Variants in BLNK observed in about 807,000 individuals in gnomAD.
The protein encoded by BLNK is B-cell linker protein.
BLNK carries 29 observed loss-of-function variants against 73.5 expected under a neutral mutation model. The observed-to-expected ratio is 0.39, with a 90% CI of 0.29 to 0.54. BLNK has a LOEUF of 0.54. Ranked by LOEUF, BLNK falls within the 20% of genes least tolerant of loss-of-function variation. The pLI is 0.61. For missense variants in BLNK, 460 were observed against 562.8 expected (o/e 0.82, Z 1.85); for synonymous variants, 176 against 200.8 (o/e 0.88, Z 1.04).
intron 3 of BLNK, among the ~76,000 whole-genome samples, chr10:96,238,469 C>A (rs1166828632): frequency 6.6e-6 from 1 of 152,122 alleles, no homozygotes; most frequent in African/African-American, 2.4e-5. Context: ...ACGTGATTGG[C>A]CTCCCAGGCT....
chr10:96,234,854 A>C (rs1842639900), intron 3 of BLNK, among the ~76,000 whole-genome samples: 1 of 152,234 alleles, frequency 6.6e-6, no homozygotes, highest in African/African-American at 2.4e-5. Flanking sequence ...TTCAAGCTTC[A>C]TGTGGGCCAG....
chr10:96,240,506 C>T (rs1554906002), intron 3 of BLNK, among the ~76,000 whole-genome samples: 1 of 152,178 alleles, frequency 6.6e-6, no homozygotes, highest in African/African-American at 2.4e-5. Flanking sequence ...GCAATCCTCC[C>T]ATCTTGGCCT....
At chr10:96,257,842 C>T (rs1843582555) in intron 1 of BLNK, among the ~76,000 whole-genome samples, 1 of 152,202 alleles carries the variant, frequency 6.6e-6, no homozygotes, top group South Asian at 2.1e-4. Flanking sequence ...CTTTCACCAC[C>T]TTATCACATG....
intron 3 of BLNK, among the ~76,000 whole-genome samples, chr10:96,232,415 A>G (rs1363617217): frequency 6.6e-6 from 1 of 152,060 alleles, no homozygotes; most frequent in Admixed American, 6.5e-5. Flanking sequence ...TGTTTTTGCT[A>G]TTTCTACCCC....
intron 13 of BLNK, 74 bp downstream of exon 13, chr10:96,203,983 A>G: frequency 7.6e-7 from 1 of 1,316,478 alleles, no homozygotes; most frequent in Non-Finnish European, 1.1e-6. Context: ...GCTGTGTTAG[A>G]ACCCAGGCCT....
At chr10:96,252,002 T>C (rs1016748165) in intron 1 of BLNK, among the ~76,000 whole-genome samples, 3 of 152,158 alleles carry the variant, frequency 2.0e-5, no homozygotes, top group African/African-American at 4.8e-5. Context: ...GAGATTCTCA[T>C]TGGGTTGTCT....
At chr10:96,258,850 G>A (rs1554911900) in intron 1 of BLNK, among the ~76,000 whole-genome samples, 1 of 152,080 alleles carries the variant, frequency 6.6e-6, no homozygotes, top group Non-Finnish European at 1.5e-5. Flanking sequence ...TTATCCCCAT[G>A]TTTATATTAT....
At chr10:96,241,752 A>G (rs1842887066) in intron 3 of BLNK, among the ~76,000 whole-genome samples, 1 of 147,300 alleles carries the variant, frequency 6.8e-6, no homozygotes, top group African/African-American at 2.5e-5. Flanking sequence ...TTTTTTTGAG[A>G]CAGGGTCTCA....
At chr10:96,195,947 C>G (rs2083454666) in intron 16 of BLNK, among the ~76,000 whole-genome samples, 1 of 152,174 alleles carries the variant, frequency 6.6e-6, no homozygotes, top group Non-Finnish European at 1.5e-5. Context: ...TACACTGAAG[C>G]CAGTTACTGT....
chr10:96,216,754 G>A lies in BLNK; in HGVS notation c.526-20C>T, dbSNP rs782389900. ...ATCAGCCTAACAGAAATACAAAACT[G>A]AATGAGAAGAATGCTGTACATTCAT... On this transcript the variant is annotated intron_variant, in intron 6 of 16. Coordinates refer to ENST00000224337, the MANE Select transcript of BLNK (RefSeq NM_013314.4). 5.6e-6 allele frequency: 9 copies of A among 1,594,420 alleles called. No individual in the cohort carries two copies. The highest frequency in any genetic ancestry group is 7.7e-6 in the Non-Finnish European group (9 of 1,162,564).
At chr10:96,240,496 G>A (rs1554905995) in intron 3 of BLNK, among the ~76,000 whole-genome samples, 1 of 152,128 alleles carries the variant, frequency 6.6e-6, no homozygotes, top group Non-Finnish European at 1.5e-5. Context: ...CTGGCCTCAA[G>A]CAATCCTCCC....
chr10:96,214,423 C>T (rs1219778003), intron 8 of BLNK, among the ~76,000 whole-genome samples: 2 of 152,124 alleles, frequency 1.3e-5, no homozygotes, highest in Non-Finnish European at 2.9e-5. Context: ...AGTTCAGCGG[C>T]TCAGTCCTTG....
At chr10:96,217,169 T>C (rs1443413836) in intron 6 of BLNK, among the ~76,000 whole-genome samples, 5 of 152,230 alleles carry the variant, frequency 3.3e-5, no homozygotes, top group African/African-American at 1.2e-4. Context: ...TATGGCCAAA[T>C]AATAGTCTAT....
intron 1 of BLNK, among the ~76,000 whole-genome samples, chr10:96,260,877 T>G (rs1843726271): frequency 6.6e-6 from 1 of 151,928 alleles, no homozygotes; most frequent in Non-Finnish European, 1.5e-5. Context: ...AGGGTCTCAC[T>G]CTGTCACCCA....
intron 4 of BLNK, 70 bp from the exon 5 acceptor site, chr10:96,227,636 T>C: frequency 6.2e-7 from 1 of 1,607,350 alleles, no homozygotes; most frequent in South Asian, 1.1e-5. Flanking sequence ...GGACCATTCC[T>C]GCCTTGGGAG....
At chr10:96,195,144 A>C (rs761308256) in intron 16 of BLNK, among the ~76,000 whole-genome samples, 9 of 152,286 alleles carry the variant, frequency 5.9e-5, no homozygotes, top group Non-Finnish European at 1.2e-4. Flanking sequence ...TAAAACAACA[A>C]CACAATTCAG....
intron 1 of BLNK, among the ~76,000 whole-genome samples, chr10:96,266,010 G>C (rs1253380595): frequency 6.6e-6 from 1 of 152,238 alleles, no homozygotes; most frequent in Non-Finnish European, 1.5e-5. Flanking sequence ...GGAGGCTGGG[G>C]AAGGATGTTT....
intron 11 of BLNK, among the ~76,000 whole-genome samples, chr10:96,206,034 A>G (rs1304432402): frequency 1.3e-5 from 2 of 152,234 alleles, no homozygotes; most frequent in East Asian, 3.8e-4. Context: ...GCAATACAGC[A>G]GAAAAGGGGT....
At chr10:96,246,334 C>T (rs1843043606) in intron 2 of BLNK, among the ~76,000 whole-genome samples, 1 of 152,134 alleles carries the variant, frequency 6.6e-6, no homozygotes, top group African/African-American at 2.4e-5. Flanking sequence ...GGGCGGATCA[C>T]CTGAGGTCAG....
Sources: gnomAD v4.1 joint callset for allele counts (sites outside exome capture counted in the v4.1 genomes callset) on GRCh38, gnomAD v4.1.1 for gene constraint, MANE v1.5 for transcripts, NCBI Gene and HGNC (gene_info 2026-07-23, HGNC 2026-07-21) for gene names.